The following TMEM132C variants were observed in gnomAD, a reference collection of about 807,000 sequenced individuals.
TMEM132C encodes protein phosphatase 1, regulatory subunit 152.
In TMEM132C, 29 loss-of-function variants were observed where a neutral mutation model predicts 61.4. The ratio of observed to expected loss-of-function variants is 0.47; its 90% CI spans 0.35 to 0.64. TMEM132C has a LOEUF of 0.64. Ranked by LOEUF, TMEM132C falls within the 30% of genes least tolerant of loss-of-function variation. TMEM132C has a pLI of 0.00. For synonymous variants in TMEM132C, 656 were observed against 633.1 expected (o/e 1.04, Z -0.54); for missense variants, 1,408 against 1,476.9 (o/e 0.95, Z 0.76).
chr12:128,494,786 A>G (rs961593550), intron 2 of TMEM132C, among the ~76,000 whole-genome samples: 1 of 151,798 alleles, frequency 6.6e-6, no homozygotes, highest in African/African-American at 2.4e-5. Context: ...TGATCTTTTC[A>G]AAAAACCACC....
At position 128,705,208 on chromosome 12, in the gene TMEM132C, T is replaced by C; in HGVS notation, c.2240T>C (p.Val747Ala). The change falls in exon 9 of 9, where the codon GTC becomes GCC. Residue 747 changes from valine (V) to alanine (A), a missense_variant. Val to Ala is a moderately conservative substitution (Grantham distance 64). Coordinates refer to ENST00000435159, the MANE Select transcript of TMEM132C (RefSeq NM_001136103.3). ...TCCCAGGACGAGGCTGTCGTGTCAG[T>C]CCCCCAGCCCCGCTCTCCCAGGTGG... Reference protein sequence around the residue: ...ATSQDEAVVSVPQPRSPRWPV... With the variant: ...ATSQDEAVVSAPQPRSPRWPV... 1 of 1,551,624 alleles carries C rather than the reference T, an allele frequency of 6.4e-7. No individual in the cohort carries two copies. Among genetic ancestry groups the C allele is most frequent in the Non-Finnish European group, 8.7e-7 (1 of 1,146,978 alleles).
intron 4 of TMEM132C, 86 bp downstream of exon 4, chr12:128,616,421 T>C: frequency 7.4e-7 from 1 of 1,343,052 alleles, no homozygotes; most frequent in Non-Finnish European, 1.0e-6. Flanking sequence ...GGATGTTTGC[T>C]ACAATGATTT....
At chr12:128,367,054 G>A (rs1339975244) in intron 1 of TMEM132C, among the ~76,000 whole-genome samples, 1 of 152,306 alleles carries the variant, frequency 6.6e-6, no homozygotes, top group East Asian at 1.9e-4. Flanking sequence ...ATGAAAAGAT[G>A]GAACCAGACT....
intron 1 of TMEM132C, among the ~76,000 whole-genome samples, chr12:128,374,085 C>G (rs889737410): frequency 6.6e-6 from 1 of 152,102 alleles, no homozygotes; most frequent in African/African-American, 2.4e-5. Context: ...CTGTGTAAGA[C>G]ACGATGAGGA....
chr12:128,535,551 C>G (rs1000329165), intron 2 of TMEM132C, among the ~76,000 whole-genome samples: 1 of 152,118 alleles, frequency 6.6e-6, no homozygotes, highest in Non-Finnish European at 1.5e-5. Context: ...CCATCTCATG[C>G]CAGTTAGAAT....
In TMEM132C at chr12:128,414,879, AG is replaced by A. The variant is rs1233131425; in HGVS notation, c.235del (p.Ala79ArgfsTer34). 1 of 1,551,666 alleles carries A rather than the reference AG, an allele frequency of 6.4e-7. No homozygotes were observed. The highest frequency in any genetic ancestry group is 8.7e-7 in the Non-Finnish European group (1 of 1,147,176). On this transcript the variant is annotated frameshift_variant, in exon 2 of 9. Coordinates refer to ENST00000435159, the MANE Select transcript of TMEM132C (RefSeq NM_001136103.3). LOFTEE classifies it high-confidence loss of function. ...NQDLLRNSSL[Q>X]ARVESFFTYK... ...GACCTGCTGCGGAACTCCAGCCTGC[AG>A]GCGAGGGTGGAGTCCTTCTTTACCT...
At chr12:128,399,341 C>G (rs1875069195) in intron 1 of TMEM132C, among the ~76,000 whole-genome samples, 1 of 152,138 alleles carries the variant, frequency 6.6e-6, no homozygotes. Flanking sequence ...ATAATTGGGA[C>G]TCTCAGGGTT....
intron 2 of TMEM132C, among the ~76,000 whole-genome samples, chr12:128,499,703 G>A (rs759907243): frequency 6.6e-6 from 1 of 152,062 alleles, no homozygotes; most frequent in Admixed American, 6.6e-5. Context: ...ATCCATCTTG[G>A]TGCAAGCAAC....
intron 2 of TMEM132C, among the ~76,000 whole-genome samples, chr12:128,480,462 G>A (rs1329103762): frequency 1.3e-5 from 2 of 152,220 alleles, no homozygotes; most frequent in African/African-American, 4.8e-5. Context: ...GTCTCCGCCA[G>A]CTACTGGAGG....
At chr12:128,306,206 CT>C (rs34273117) in intron 1 of TMEM132C, among the ~76,000 whole-genome samples, 3,544 of 136,852 alleles carry the variant, frequency 0.026, 127 homozygotes, top group African/African-American at 0.086. Context: ...TGAAGAAATT[CT>C]TTTTTTTTTT....
intron 4 of TMEM132C, among the ~76,000 whole-genome samples, chr12:128,636,564 TTGTGTGTGTGTGTGTGTG>T (rs61201583): frequency 2.8e-5 from 4 of 142,254 alleles, no homozygotes; most frequent in Non-Finnish European, 4.6e-5. Context: ...GGGTTTTTGT[TTGTGTGTGTGTGTGTGTG>T]TGTGTGTGTG....
At chr12:128,318,991 C>T (rs538691754) in intron 1 of TMEM132C, among the ~76,000 whole-genome samples, 2 of 152,328 alleles carry the variant, frequency 1.3e-5, no homozygotes, top group African/African-American at 4.8e-5. Context: ...GCATCTCCAT[C>T]TCCATCATGA....
intron 2 of TMEM132C, among the ~76,000 whole-genome samples, chr12:128,445,133 A>G (rs1326343886): frequency 6.6e-6 from 1 of 152,120 alleles, no homozygotes; most frequent in East Asian, 1.9e-4. Flanking sequence ...AGCAGAGAAC[A>G]GGCCTGTTGC....
chr12:128,363,065 G>A (rs189816415), intron 1 of TMEM132C, among the ~76,000 whole-genome samples: 25 of 152,302 alleles, frequency 1.6e-4, no homozygotes, highest in African/African-American at 5.8e-4. Flanking sequence ...CCTTCTTTAC[G>A]ATTGAGCTAC....
intron 2 of TMEM132C, among the ~76,000 whole-genome samples, chr12:128,426,024 G>A (rs1274532983): frequency 6.6e-6 from 1 of 152,196 alleles, no homozygotes; most frequent in African/African-American, 2.4e-5. Context: ...ACTGCCTGAC[G>A]TGCTTCAGAG....
intron 2 of TMEM132C, among the ~76,000 whole-genome samples, chr12:128,533,284 C>T (rs752790401): frequency 2.0e-5 from 3 of 152,160 alleles, no homozygotes; most frequent in Non-Finnish European, 4.4e-5. Context: ...TCAGCTGGTT[C>T]CTTCAGGGTT....
intron 3 of TMEM132C, among the ~76,000 whole-genome samples, chr12:128,575,872 C>T (rs1379973221): frequency 2.0e-5 from 3 of 152,196 alleles, no homozygotes; most frequent in Non-Finnish European, 4.4e-5. Flanking sequence ...TGGTCCACTT[C>T]GAAGCCTGTC....
chr12:128,428,599 G>C (rs1869276032), intron 2 of TMEM132C, among the ~76,000 whole-genome samples: 1 of 152,178 alleles, frequency 6.6e-6, no homozygotes, highest in Non-Finnish European at 1.5e-5. Flanking sequence ...CCAAAAACAT[G>C]CTGTCTGTAA....
At chr12:128,409,494 G>T (rs546027180) in intron 1 of TMEM132C, among the ~76,000 whole-genome samples, 2 of 152,190 alleles carry the variant, frequency 1.3e-5, no homozygotes, top group South Asian at 2.1e-4. Context: ...TCATCACCAT[G>T]GGGGGAGAAA....
Sources: gnomAD v4.1 joint callset for allele counts (sites outside exome capture counted in the v4.1 genomes callset) on GRCh38, gnomAD v4.1.1 for gene constraint, MANE v1.5 for transcripts, NCBI Gene and HGNC (gene_info 2026-07-23, HGNC 2026-07-21) for gene names.